CLIC5: variants seen among roughly 807,000 people sequenced by gnomAD.
CLIC5 encodes CLIC family member 5.
Under a neutral mutation model 24.7 loss-of-function variants are expected in CLIC5, and 20 were observed. That is an observed-to-expected ratio of 0.81 (90% CI 0.57 to 1.18). The LOEUF is 1.18. Ranked by LOEUF, CLIC5 falls within the 50% of genes most tolerant of loss-of-function variation. The pLI, the probability that CLIC5 is intolerant of heterozygous loss-of-function variation, is 0.00. For missense variants in CLIC5, 341 were observed against 326.1 expected (o/e 1.05, Z -0.35); for synonymous variants, 159 against 135.6 (o/e 1.17, Z -1.20).
chr6:45,974,067 G>T (rs1025074951), intron 1 of CLIC5, among the ~76,000 whole-genome samples: 2 of 152,158 alleles, frequency 1.3e-5, no homozygotes, highest in Admixed American at 6.5e-5. Flanking sequence ...AAAGGCAAAT[G>T]ACAAAGTAAT....
chr6:46,055,664 A>G (rs1269034720), intron 1 of CLIC5, among the ~76,000 whole-genome samples: 1 of 152,226 alleles, frequency 6.6e-6, no homozygotes, highest in Non-Finnish European at 1.5e-5. Flanking sequence ...CATGTCTCCC[A>G]TAAGCATCTT....
intron 1 of CLIC5, among the ~76,000 whole-genome samples, chr6:45,971,182 C>G (rs952931519): frequency 1.3e-5 from 2 of 152,210 alleles, no homozygotes; most frequent in African/African-American, 4.8e-5. Flanking sequence ...ATACTACTAT[C>G]CACAGAGTGG....
intron 1 of CLIC5, among the ~76,000 whole-genome samples, chr6:46,042,812 A>G (rs1347359584): frequency 1.3e-5 from 2 of 151,514 alleles, no homozygotes; most frequent in Non-Finnish European, 2.9e-5. Flanking sequence ...GCACTTAGTC[A>G]AGGTCACCCT....
chr6:45,953,128 C>T (rs1450448173), intron 2 of CLIC5, among the ~76,000 whole-genome samples: 1 of 152,078 alleles, frequency 6.6e-6, no homozygotes, highest in East Asian at 1.9e-4. Context: ...CGTTTAGCCC[C>T]TCTAATTTCT....
In CLIC5 at chr6:45,968,902, C is replaced by A. The variant is rs76991950; in HGVS notation, c.64-13658G>T. The stretch of plus-strand genomic sequence containing the variant: ...AAAAAGCAGAAGATTAAGAGTTCTG[C>A]GTTCCAGACCTAGTTTTGGCACAAA... On this transcript the variant is annotated intron_variant, in intron 1 of 5. Coordinates refer to ENST00000339561, the MANE Select transcript of CLIC5 (RefSeq NM_016929.5). 1.1e-4 allele frequency among the ~76,000 whole-genome samples: 16 copies of A among 152,248 alleles called. 1 individual carries two copies. The highest frequency in any genetic ancestry group is 2.6e-4 in the African/African-American group (11 of 41,542).
chr6:46,128,355 C>T, the CLIC5 span, among the ~76,000 whole-genome samples: 1 of 152,194 alleles, frequency 6.6e-6, no homozygotes, highest in African/African-American at 2.4e-5. Flanking sequence ...ACCCTTTAAG[C>T]ATACATATGC....
At chr6:46,013,687 A>G (rs1318922706) in intron 1 of CLIC5, among the ~76,000 whole-genome samples, 2 of 152,206 alleles carry the variant, frequency 1.3e-5, no homozygotes, top group Non-Finnish European at 2.9e-5. Flanking sequence ...TGCCAACAAG[A>G]AAATTCCAAA....
the CLIC5 span, among the ~76,000 whole-genome samples, chr6:46,128,021 A>T: frequency 0.014 from 2,091 of 152,202 alleles, 48 homozygotes; most frequent in African/African-American, 0.046. Flanking sequence ...TGCTAACTCA[A>T]CCAGTCCTGA....
At chr6:45,967,641 G>T (rs992525636) in intron 1 of CLIC5, among the ~76,000 whole-genome samples, 1 of 152,168 alleles carries the variant, frequency 6.6e-6, no homozygotes, top group Non-Finnish European at 1.5e-5. Context: ...AATTTATATT[G>T]AAAAGAGATT....
intron 4 of CLIC5, among the ~76,000 whole-genome samples, chr6:45,915,659 G>A (rs2127315428): frequency 6.6e-6 from 1 of 152,290 alleles, no homozygotes; most frequent in South Asian, 2.1e-4. Flanking sequence ...ACATAACATG[G>A]GAGAAGGCTT....
At chr6:45,971,476 G>A (rs990582424) in intron 1 of CLIC5, among the ~76,000 whole-genome samples, 14 of 152,022 alleles carry the variant, frequency 9.2e-5, no homozygotes, top group African/African-American at 3.1e-4. Flanking sequence ...TTTCCTTTAC[G>A]TACAAGACCC....
At chr6:45,915,842 T>G (rs1763010169) in intron 4 of CLIC5, among the ~76,000 whole-genome samples, 1 of 152,170 alleles carries the variant, frequency 6.6e-6, no homozygotes, top group African/African-American at 2.4e-5. Flanking sequence ...CTACTTGAGC[T>G]CAAAGGACAA....
At chr6:45,979,278 G>A (rs559289509) in intron 1 of CLIC5, among the ~76,000 whole-genome samples, 80 of 152,250 alleles carry the variant, frequency 5.3e-4, no homozygotes, top group African/African-American at 1.9e-3. Context: ...TCAGGGGAAG[G>A]GGCATTTCCT....
At chr6:46,092,299 C>T in the CLIC5 span, among the ~76,000 whole-genome samples, 1 of 152,206 alleles carries the variant, frequency 6.6e-6, no homozygotes, top group East Asian at 1.9e-4. Flanking sequence ...TTATTAAATT[C>T]TAATGGTGTC....
At chr6:46,006,183 C>T (rs1227074357) in intron 1 of CLIC5, among the ~76,000 whole-genome samples, 4 of 138,986 alleles carry the variant, frequency 2.9e-5, no homozygotes, top group Middle Eastern at 4.0e-3. Flanking sequence ...CTTGCCCTAT[C>T]GCCCAGCCTG....
intron 1 of CLIC5, among the ~76,000 whole-genome samples, chr6:45,991,034 C>T (rs1189853571): frequency 6.6e-6 from 1 of 152,198 alleles, no homozygotes; most frequent in Non-Finnish European, 1.5e-5. Context: ...TAGCTCAAGC[C>T]ACCTGCAGCA....
At chr6:45,967,766 C>G (rs1039217334) in intron 1 of CLIC5, among the ~76,000 whole-genome samples, 7 of 152,076 alleles carry the variant, frequency 4.6e-5, no homozygotes, top group Admixed American at 3.9e-4. Context: ...GGAGCAGGCA[C>G]TTTCCATGGC....
At chr6:45,897,189 G>A (rs1030272104), downstream of CLIC5, among the ~76,000 whole-genome samples, 1 of 152,116 alleles carries the variant, frequency 6.6e-6, no homozygotes, top group South Asian at 2.1e-4. Flanking sequence ...GCACTTCCAG[G>A]CCTCATACCC....
intron 3 of CLIC5, among the ~76,000 whole-genome samples, chr6:45,942,968 T>C (rs1764182568): frequency 6.6e-6 from 1 of 152,234 alleles, no homozygotes; most frequent in Non-Finnish European, 1.5e-5. Context: ...CCTACAGCAG[T>C]GTCCTTCCCC....
Sources: allele counts gnomAD v4.1 joint callset (sites outside exome capture counted in the v4.1 genomes callset), GRCh38; gene constraint gnomAD v4.1.1; transcripts MANE v1.5; gene names NCBI Gene and HGNC (gene_info 2026-07-23, HGNC 2026-07-21).